Variants in SNX7 observed in about 807,000 individuals in gnomAD.
SNX7 encodes the protein sorting nexin 7, also known as sorting nexin-7.
In SNX7, 35 loss-of-function variants were observed where a neutral mutation model predicts 48.4. That is an observed-to-expected ratio of 0.72 (90% CI 0.55 to 0.96). The LOEUF is 0.96. Ranked by LOEUF, SNX7 falls within the 40% of genes least tolerant of loss-of-function variation. SNX7 has a pLI of 0.00. For synonymous variants in SNX7, 190 were observed against 190.2 expected, an observed-to-expected ratio of 1.00 and a Z score of 0.01; for missense variants, 553 against 548.9, an observed-to-expected ratio of 1.01 and a Z score of -0.07.
intron 2 of SNX7, among the ~76,000 whole-genome samples, chr1:98,688,019 T>C (rs1650900773): frequency 6.6e-6 from 1 of 152,190 alleles, no homozygotes; most frequent in African/African-American, 2.4e-5. Context: ...GAGATTTGGA[T>C]GGGGACACAG....
In SNX7 at chr1:98,698,694, T is replaced by A; in HGVS notation, c.839-12T>A. 6.3e-7 allele frequency: 1 copy of A among 1,599,852 alleles called. No homozygotes were observed. The highest frequency in any genetic ancestry group is 8.5e-7 in the Non-Finnish European group (1 of 1,173,198). On this transcript the variant is annotated splice_polypyrimidine_tract_variant and intron_variant, in intron 5 of 8. Coordinates refer to ENST00000306121, the MANE Select transcript of SNX7 (RefSeq NM_015976.5). Reference sequence around the variant, plus strand: ...TTATTGAAGAGCTTATTAAGTCTTTTTTTTTTTTTAGAATATTTTGATGAA... The same window carrying A: ...TTATTGAAGAGCTTATTAAGTCTTTATTTTTTTTTAGAATATTTTGATGAA...
intron 7 of SNX7, among the ~76,000 whole-genome samples, chr1:98,719,606 C>G (rs1047787314): frequency 2.4e-4 from 36 of 151,744 alleles, no homozygotes; most frequent in Admixed American, 1.8e-3. Flanking sequence ...GGAAATTAGT[C>G]TTTATTTTTT....
intron 8 of SNX7, among the ~76,000 whole-genome samples, chr1:98,742,141 G>A (rs1188861710): frequency 1.3e-5 from 2 of 152,110 alleles, no homozygotes; most frequent in Non-Finnish European, 2.9e-5. Flanking sequence ...CAGCTCTGAT[G>A]TCCTTTTGGT....
chr1:98,666,879 C>T (rs746616670), intron 1 of SNX7, among the ~76,000 whole-genome samples: 2 of 152,162 alleles, frequency 1.3e-5, no homozygotes, highest in Non-Finnish European at 2.9e-5. Flanking sequence ...TTAGGAAACC[C>T]ATGTTACATT....
At chr1:98,686,696 TTTAA>T (rs1650820494) in intron 2 of SNX7, among the ~76,000 whole-genome samples, 2 of 152,236 alleles carry the variant, frequency 1.3e-5, no homozygotes, top group South Asian at 2.1e-4. Context: ...ACTTGGACAA[TTTAA>T]TTAACCTCTC....
chr1:98,667,254 T>G (rs1205844547), intron 1 of SNX7, among the ~76,000 whole-genome samples: 1 of 152,224 alleles, frequency 6.6e-6, no homozygotes, highest in Non-Finnish European at 1.5e-5. Flanking sequence ...GTTAGAACAT[T>G]GTATTCAGAA....
chr1:98,674,364 A>T (rs4575128), intron 1 of SNX7, among the ~76,000 whole-genome samples: 15,906 of 152,182 alleles, frequency 0.1, 893 homozygotes, highest in South Asian at 0.17. Flanking sequence ...GTTCCTTCTG[A>T]GGGCCGTGAG....
At chr1:98,694,915 G>C (rs955668480) in intron 4 of SNX7, among the ~76,000 whole-genome samples, 2 of 151,980 alleles carry the variant, frequency 1.3e-5, no homozygotes, top group South Asian at 4.2e-4. Context: ...CCTGCTCTGG[G>C]ATCTTGAGCA....
At position 98,661,728 on chromosome 1, in the gene SNX7, C is replaced by G. The variant is rs904499028; in HGVS notation, c.-4C>G. The G allele has an allele frequency of 2.5e-6, 3 of 1,223,626 alleles. No homozygotes were observed. In the African/African-American group the frequency reaches 4.7e-5, roughly 19 times the overall value. The allele number at this position is 1,223,626 out of a possible 1,614,324, so 75.8% of individuals were successfully genotyped here. ...TGGCGGCCGGCTGGGCGCGCACTCT[C>G]GGGATGGAGGGCGAGCGCCGGGCAT... On this transcript the variant is annotated 5_prime_UTR_variant, in exon 1 of 9. Transcript: ENST00000306121.
intron 7 of SNX7, among the ~76,000 whole-genome samples, chr1:98,708,480 T>C (rs1288414693): frequency 6.6e-6 from 1 of 152,130 alleles, no homozygotes; most frequent in East Asian, 1.9e-4. Flanking sequence ...CTGAAAAAAC[T>C]GGGGCCTTTG....
chr1:98,738,210 T>C, intron 7 of SNX7, 27 bp from the exon 8 acceptor site: 1 of 1,606,182 alleles, frequency 6.2e-7, no homozygotes, highest in Non-Finnish European at 8.5e-7. Flanking sequence ...CATAGATCAA[T>C]GTATCTCTCT....
intron 1 of SNX7, among the ~76,000 whole-genome samples, chr1:98,681,376 T>G (rs2100932962): frequency 6.6e-6 from 1 of 152,332 alleles, no homozygotes; most frequent in African/African-American, 2.4e-5. Flanking sequence ...GAGGATTGTT[T>G]GAAGCCAGGA....
chr1:98,681,009 G>C (rs1296365750), intron 1 of SNX7, among the ~76,000 whole-genome samples: 1 of 152,142 alleles, frequency 6.6e-6, no homozygotes, highest in Non-Finnish European at 1.5e-5. Flanking sequence ...TTTTCATGCT[G>C]CTGATAAAGA....
chr1:98,720,055 G>A (rs976132514), intron 7 of SNX7, among the ~76,000 whole-genome samples: 2 of 151,474 alleles, frequency 1.3e-5, no homozygotes, highest in South Asian at 4.2e-4. Context: ...GTTTTCATAT[G>A]CAACGATGAT....
intron 6 of SNX7, among the ~76,000 whole-genome samples, chr1:98,701,141 G>A (rs1322436492): frequency 6.6e-6 from 1 of 152,100 alleles, no homozygotes; most frequent in Non-Finnish European, 1.5e-5. Context: ...GAAAGATGTA[G>A]TTGAATTCTG....
chr1:98,667,056 G>A (rs1392857003), intron 1 of SNX7, among the ~76,000 whole-genome samples: 1 of 152,186 alleles, frequency 6.6e-6, no homozygotes. Flanking sequence ...GTATAATGGA[G>A]GAGAGACAAG....
chr1:98,738,194 A>G, intron 7 of SNX7, 43 bp from the exon 8 acceptor site: 1 of 1,581,322 alleles, frequency 6.3e-7, no homozygotes, highest in Non-Finnish European at 8.6e-7. Flanking sequence ...CCTGATGGAA[A>G]GAATTCATAG....
chr1:98,664,045 C>T (rs964705638), intron 1 of SNX7, among the ~76,000 whole-genome samples: 4 of 152,192 alleles, frequency 2.6e-5, no homozygotes, highest in African/African-American at 9.7e-5. Context: ...TTTCCACTAC[C>T]TTCCTTGCCT....
chr1:98,687,164 ATAT>A (rs1462604927), intron 2 of SNX7, among the ~76,000 whole-genome samples: 1 of 152,202 alleles, frequency 6.6e-6, no homozygotes, highest in Non-Finnish European at 1.5e-5. Flanking sequence ...TCAAACGTAG[ATAT>A]TATGATTTAC....
Sources: allele counts gnomAD v4.1 joint callset (sites outside exome capture counted in the v4.1 genomes callset), GRCh38; gene constraint gnomAD v4.1.1; transcripts MANE v1.5; gene names NCBI Gene and HGNC (gene_info 2026-07-23, HGNC 2026-07-21).